SH3BP4: variants seen among roughly 807,000 people sequenced by gnomAD.
The protein encoded by SH3BP4 is SH3 domain-binding protein 4.
A neutral mutation model predicts 65.5 loss-of-function variants in SH3BP4; 33 were observed. The ratio of observed to expected loss-of-function variants is 0.50; its 90% CI spans 0.38 to 0.67. The LOEUF (loss-of-function observed/expected upper bound fraction) is 0.67, where lower values mean the gene tolerates loss of function less well. Ranked by LOEUF, SH3BP4 falls within the 30% of genes least tolerant of loss-of-function variation. SH3BP4 has a pLI of 0.00. For synonymous variants in SH3BP4, 552 were observed against 545.5 expected (o/e 1.01, Z -0.17); for missense variants, 1,134 against 1,261.4 (o/e 0.90, Z 1.53).
chr2:234,954,366 G>A (rs917812099), intron 1 of SH3BP4, among the ~76,000 whole-genome samples: 1 of 152,084 alleles, frequency 6.6e-6, no homozygotes, highest in African/African-American at 2.4e-5. Context: ...TTCTGTAACC[G>A]TCTGTCGTTT....
chr2:235,030,553 G>A lies in SH3BP4; in HGVS notation c.-132-4318G>A, dbSNP rs751865875. On this transcript the variant is annotated intron_variant, in intron 2 of 5. Transcript: ENST00000392011. This position sits in a 1 kb window ranked among gnomAD's most constrained non-coding sequence, Gnocchi z 4.1. ...TTGTTAGATGCCGTTAGAATCCATC[G>A]GGGGAAGTGGGTGATCCAGGGGAGA... is the stretch of plus-strand genomic sequence containing the variant. 2.0e-5 allele frequency among the ~76,000 whole-genome samples: 3 copies of A among 152,074 alleles called. No homozygotes were observed. The highest frequency in any genetic ancestry group is 1.9e-4 in the East Asian group (1 of 5,168).
At position 235,055,450 on chromosome 2, in the gene SH3BP4, T is replaced by C. The variant is rs965037263; in HGVS notation, c.*1634T>C. ...AATCATCCCACCATATAACCTTCGA[T>C]TGTGCTTCTCAACTCCACCCCATAA... On this transcript the variant is annotated 3_prime_UTR_variant, in exon 6 of 6. Transcript: ENST00000392011. The C allele has an allele frequency of 1.3e-5, 2 of 152,624 alleles. No individual in the cohort carries two copies. The highest frequency in any genetic ancestry group is 6.5e-5 in the Admixed American group (1 of 15,270). 9.5% of individuals were successfully genotyped at this position (152,624 alleles called of 1,614,324 possible).
chr2:235,009,802 C>G (rs184040677), intron 2 of SH3BP4, among the ~76,000 whole-genome samples: 3 of 152,174 alleles, frequency 2.0e-5, no homozygotes, highest in Admixed American at 6.5e-5. Flanking sequence ...AGAAAACCCT[C>G]TACCTTCCTT....
In SH3BP4 at chr2:234,967,962, G is replaced by C. The variant is rs1438311514; in HGVS notation, c.-207+15792G>C. ...CAGGACCGGAAGCTCCCACCCAGAT[G>C]GTGAAGGCACCTGCTGGGTTTCCTG... On this transcript the variant is annotated intron_variant, in intron 1 of 5. Coordinates refer to ENST00000392011, the MANE Select transcript of SH3BP4 (RefSeq NM_014521.3). This position sits in a 1 kb window ranked among gnomAD's most constrained non-coding sequence, Gnocchi z 4.6. Among the ~76,000 whole-genome samples the C allele has an allele frequency of 6.6e-6, 1 of 152,148 alleles. No individual in the cohort carries two copies. The highest frequency in any genetic ancestry group is 1.5e-5 in the Non-Finnish European group (1 of 68,028).
intron 2 of SH3BP4, among the ~76,000 whole-genome samples, chr2:235,022,421 C>T (rs553304456): frequency 3.3e-5 from 5 of 152,052 alleles, no homozygotes; most frequent in African/African-American, 4.8e-5. Context: ...GGTGTGGTGG[C>T]GCACACCTGT....
intron 1 of SH3BP4, among the ~76,000 whole-genome samples, chr2:234,981,164 G>T (rs1008750016): frequency 6.6e-6 from 1 of 152,166 alleles, no homozygotes; most frequent in South Asian, 2.1e-4. Context: ...TTTCTGTCCC[G>T]GGAGGATAAT....
chr2:235,052,864 C>T lies in SH3BP4; in HGVS notation c.2667+114C>T. On this transcript the variant is annotated intron_variant, in intron 5 of 5. Transcript: ENST00000392011. The surrounding 1 kb of genome is among the most constrained non-coding windows in gnomAD (Gnocchi z 5.0). ...TCGCGGCATTTCTGTGAGGGTGCAACAGGTGGAAATGTGCACGCATGTGCC... is the reference window on the plus strand; with the variant it reads ...TCGCGGCATTTCTGTGAGGGTGCAATAGGTGGAAATGTGCACGCATGTGCC... 3 of 1,050,392 alleles carry T rather than the reference C, an allele frequency of 2.9e-6. No individual in the cohort carries two copies. The highest frequency in any genetic ancestry group is 4.1e-6 in the Non-Finnish European group (3 of 737,274). 65.1% of individuals were successfully genotyped at this position (1,050,392 alleles called of 1,614,324 possible). A position where few individuals can be genotyped will look rare whatever the true frequency, so the allele number is the denominator to read the frequency against.
At chr2:234,985,792 G>A (rs999534943) in intron 1 of SH3BP4, among the ~76,000 whole-genome samples, 1 of 151,994 alleles carries the variant, frequency 6.6e-6, no homozygotes, top group Non-Finnish European at 1.5e-5. Flanking sequence ...CGGTGCAGGT[G>A]AACCAGCCTG....
chr2:234,970,084 CACACACTCACAAAT>C (rs1692951780), intron 1 of SH3BP4, among the ~76,000 whole-genome samples: 1 of 141,332 alleles, frequency 7.1e-6, no homozygotes, highest in African/African-American at 2.6e-5. Flanking sequence ...CTGTCACTCA[CACACACTCACAAAT>C]ACACTCACTC....
chr2:235,039,852 A>T (rs573369541), intron 3 of SH3BP4, among the ~76,000 whole-genome samples: 1 of 152,212 alleles, frequency 6.6e-6, no homozygotes, highest in African/African-American at 2.4e-5. Flanking sequence ...CACTTGTTCA[A>T]TGATAGTATG....
chr2:235,039,446 C>T (rs1030204083), intron 3 of SH3BP4, among the ~76,000 whole-genome samples: 12 of 150,218 alleles, frequency 8.0e-5, no homozygotes, highest in Admixed American at 5.3e-4. Context: ...TAACTAAAAA[C>T]GGATTCCTTT....
At chr2:234,968,360 AACTCAACAGAGTT>A (rs773146741) in intron 1 of SH3BP4, among the ~76,000 whole-genome samples, 24 of 150,246 alleles carry the variant, frequency 1.6e-4, no homozygotes, top group Non-Finnish European at 2.9e-4. Flanking sequence ...AGGAGTCTTT[AACTCAACAGAGTT>A]GTTCTTTTTT....
At chr2:235,038,281 T>A (rs59144501) in intron 3 of SH3BP4, among the ~76,000 whole-genome samples, 1 of 24,398 alleles carries the variant, frequency 4.1e-5, no homozygotes, top group African/African-American at 1.9e-4. Flanking sequence ...ATAATATATA[T>A]TATATATAAT....
At chr2:234,963,900 A>G (rs909121494) in intron 1 of SH3BP4, among the ~76,000 whole-genome samples, 1 of 152,192 alleles carries the variant, frequency 6.6e-6, no homozygotes, top group Admixed American at 6.5e-5. Context: ...TGGGTTCACT[A>G]AGGGGAGAGT....
At position 235,041,551 on chromosome 2, in the gene SH3BP4, C is replaced by G. The variant is rs749118568; in HGVS notation, c.782C>G (p.Thr261Arg). The change falls in exon 4 of 6, where the codon ACA becomes AGA. Residue 261 changes from threonine (T) to arginine (R), a missense_variant. Transcript: ENST00000392011. The surrounding 1 kb of genome is among the most constrained non-coding windows in gnomAD (Gnocchi z 6.0). The stretch of plus-strand genomic sequence containing the variant: ...CTCCAAGCCAAGTCCGATGCTCCCA[C>G]ATCGTCGAGTTTCTTCACCGGCTTG... ...SVLQAKSDAP[T>R]SSSFFTGLKS... The G allele has an allele frequency of 2.5e-6, 4 of 1,614,160 alleles. No homozygotes were observed. Among genetic ancestry groups the G allele is most frequent in the South Asian group, 1.1e-5 (1 of 91,090 alleles).
Position 234,993,177 on chromosome 2 carries a change from C to T in SH3BP4, c.-206-2126C>T, listed in dbSNP as rs562723069. ...AGAGTGAGGAGGCTGAGATGAGCCC[C>T]GGGGGTCGGTTTCTCGAAGCCCCCG... On this transcript the variant is annotated intron_variant, in intron 1 of 5. Transcript: ENST00000392011. Among the ~76,000 whole-genome samples, 8 of 152,306 alleles carry T rather than the reference C, an allele frequency of 5.3e-5. No individual in the cohort carries two copies. In the South Asian group the frequency reaches 8.3e-4, roughly 16 times the overall value.
At chr2:235,020,574 C>T (rs1036205999) in intron 2 of SH3BP4, among the ~76,000 whole-genome samples, 7 of 152,120 alleles carry the variant, frequency 4.6e-5, no homozygotes, top group African/African-American at 4.8e-5. Context: ...GAAAAGGAGA[C>T]GGCATTCATG....
At position 235,016,484 on chromosome 2, in the gene SH3BP4, C is replaced by T. The variant is rs191477326; in HGVS notation, c.-132-18387C>T. On this transcript the variant is annotated intron_variant, in intron 2 of 5. Transcript: ENST00000392011. ...GAGTTGACCGCCCTCAGCACCACCG[C>T]CCATTCACTCGTCCTTTCTTTTCTT... Among the ~76,000 whole-genome samples, 4 of 152,122 alleles carry T rather than the reference C, an allele frequency of 2.6e-5. 1 individual carries two copies. Among genetic ancestry groups the T allele is most frequent in the Admixed American group, 1.3e-4 (2 of 15,284 alleles).
At chr2:234,973,576 C>G (rs549235954) in intron 1 of SH3BP4, among the ~76,000 whole-genome samples, 1 of 152,264 alleles carries the variant, frequency 6.6e-6, no homozygotes, top group East Asian at 1.9e-4. Flanking sequence ...ATACGTACCC[C>G]CCTGAACAGA....
Sources: gnomAD v4.1 joint callset for allele counts (sites outside exome capture counted in the v4.1 genomes callset) on GRCh38, gnomAD v4.1.1 for gene constraint, Gnocchi (gnomAD v3.1) non-coding constraint, MANE v1.5 for transcripts, NCBI Gene and HGNC (gene_info 2026-07-23, HGNC 2026-07-21) for gene names.